Variants in SIPA1L1 observed in about 807,000 individuals in gnomAD.
SIPA1L1 encodes the protein signal-induced proliferation-associated 1-like protein 1.
SIPA1L1 carries 26 observed loss-of-function variants against 162.7 expected under a neutral mutation model. The ratio of observed to expected loss-of-function variants is 0.16; its 90% CI spans 0.12 to 0.22. The LOEUF is 0.22. SIPA1L1 is among the 10% of genes least tolerant of loss of function. SIPA1L1 has a pLI of 1.00. For missense variants in SIPA1L1, 1,874 were observed against 2,241.0 expected (o/e 0.84, Z 3.31); for synonymous variants, 829 against 837.4 (o/e 0.99, Z 0.17).
Position 71,702,479 on chromosome 14 carries a change from G to A in SIPA1L1, c.3620G>A (p.Ser1207Asn), listed in dbSNP as rs779755821. The A allele has an allele frequency of 2.5e-6, 4 of 1,614,214 alleles. No individual in the cohort carries two copies. The highest frequency in any genetic ancestry group is 1.7e-5 in the Admixed American group (1 of 60,026). ...AAATCCACGCCTAGCTGGCAAAGAAGTGAGGATAGCATTGCTGACCAGATG... is the reference window on the plus strand; with the variant it reads ...AAATCCACGCCTAGCTGGCAAAGAAATGAGGATAGCATTGCTGACCAGATG... ...SGKSTPSWQR[S>N]EDSIADQMEP... The change falls in exon 15 of 24, where the codon AGT becomes AAT. Residue 1207 changes from serine to asparagine, a missense_variant. Ser to Asn is a conservative substitution (Grantham distance 46, BLOSUM62 1). Around this residue, in one of 5 missense-constraint regions of SIPA1L1, gnomAD observed 936 missense variants for 1,051.9 expected, o/e 0.89. Transcript: ENST00000381232.
At chr14:71,595,934 A>G (rs926400969) in intron 5 of SIPA1L1, among the ~76,000 whole-genome samples, 1 of 152,132 alleles carries the variant, frequency 6.6e-6, no homozygotes, top group Non-Finnish European at 1.5e-5. Flanking sequence ...CCCAAATTCT[A>G]GGTTTCTTAG....
chr14:71,430,618 A>G (rs149970014), intron 2 of SIPA1L1, among the ~76,000 whole-genome samples: 41 of 152,344 alleles, frequency 2.7e-4, no homozygotes, highest in African/African-American at 8.9e-4. Flanking sequence ...GCCTTCTCCT[A>G]TAACAGATGA....
chr14:71,619,237 G>T (rs1461955159), intron 6 of SIPA1L1, among the ~76,000 whole-genome samples: 2 of 152,136 alleles, frequency 1.3e-5, no homozygotes, highest in Non-Finnish European at 1.5e-5. Flanking sequence ...AACTTGAGGA[G>T]CCAGGATATT....
chr14:71,725,591 G>A (rs953722079), intron 19 of SIPA1L1, among the ~76,000 whole-genome samples: 1 of 152,118 alleles, frequency 6.6e-6, no homozygotes, highest in African/African-American at 2.4e-5. Context: ...TTGTGTACTC[G>A]TCTCAGCTTG....
At chr14:71,336,335 T>G (rs1197619440) in intron 2 of SIPA1L1, among the ~76,000 whole-genome samples, 1 of 152,208 alleles carries the variant, frequency 6.6e-6, no homozygotes, top group African/African-American at 2.4e-5. Context: ...CAAGCCCATT[T>G]GCAGTCACCC....
chr14:71,546,105 A>G (rs751241124), intron 4 of SIPA1L1, among the ~76,000 whole-genome samples: 9 of 152,090 alleles, frequency 5.9e-5, no homozygotes, highest in Non-Finnish European at 8.8e-5. Flanking sequence ...GAGAGAGAGA[A>G]AAAGTCTCAT....
intron 2 of SIPA1L1, among the ~76,000 whole-genome samples, chr14:71,395,952 C>G (rs1430556448): frequency 6.6e-6 from 1 of 152,158 alleles, no homozygotes; most frequent in Non-Finnish European, 1.5e-5. Context: ...AAGGGTAAGT[C>G]TGAAACTTGG....
intron 2 of SIPA1L1, among the ~76,000 whole-genome samples, chr14:71,498,967 A>G (rs1049103817): frequency 6.6e-6 from 1 of 152,184 alleles, no homozygotes; most frequent in Admixed American, 6.5e-5. Flanking sequence ...CATTTTGGGA[A>G]AATTAGGATA....
intron 19 of SIPA1L1, among the ~76,000 whole-genome samples, chr14:71,729,358 T>C (rs1466722948): frequency 6.6e-6 from 1 of 152,212 alleles, no homozygotes; most frequent in Admixed American, 6.5e-5. Context: ...ATTTCATGAA[T>C]AGAAATGCAT....
At position 71,680,640 on chromosome 14, in the gene SIPA1L1, G is replaced by T. The variant is rs142273862; in HGVS notation, c.3105-4722G>T. On this transcript the variant is annotated intron_variant, in intron 12 of 23. Coordinates refer to ENST00000381232, the MANE Select transcript of SIPA1L1 (RefSeq NM_001386936.1). The stretch of plus-strand genomic sequence containing the variant: ...CCCTTCAAAAAATCAATGAATCCAA[G>T]AGCTGGTTTTTTGAAAAGATCAACA... Among the ~76,000 whole-genome samples the T allele has an allele frequency of 3.7e-3, 570 of 152,230 alleles. 6 individuals are homozygous for T. Among genetic ancestry groups the T allele is most frequent in the African/African-American group, 0.013 (549 of 41,528 alleles).
intron 12 of SIPA1L1, among the ~76,000 whole-genome samples, chr14:71,682,133 G>T (rs542208592): frequency 3.3e-5 from 5 of 152,318 alleles, no homozygotes; most frequent in South Asian, 4.1e-4. Context: ...ACTTGGGCAG[G>T]TTAATCTCTC....
intron 11 of SIPA1L1, among the ~76,000 whole-genome samples, chr14:71,672,048 A>C (rs946477747): frequency 2.0e-5 from 3 of 151,964 alleles, no homozygotes; most frequent in African/African-American, 7.3e-5. Context: ...TGCTGCCTTG[A>C]ATTTTACAAA....
chr14:71,406,618 T>C (rs1352471821), intron 2 of SIPA1L1, among the ~76,000 whole-genome samples: 1 of 152,230 alleles, frequency 6.6e-6, no homozygotes, highest in Non-Finnish European at 1.5e-5. Flanking sequence ...TAAGCCATAT[T>C]GATTTTTACC....
At chr14:71,639,944 C>G (rs1224631722) in intron 7 of SIPA1L1, among the ~76,000 whole-genome samples, 3 of 152,016 alleles carry the variant, frequency 2.0e-5, no homozygotes, top group Non-Finnish European at 4.4e-5. Context: ...TGCTCTGTTG[C>G]CCAGGCTGGA....
chr14:71,419,173 C>T (rs1028149109), intron 2 of SIPA1L1, among the ~76,000 whole-genome samples: 7 of 151,568 alleles, frequency 4.6e-5, no homozygotes, highest in East Asian at 1.9e-4. Flanking sequence ...TCTGGATGAG[C>T]GTTCAGTAGG....
chr14:71,394,567 A>G (rs2041029200), intron 2 of SIPA1L1, among the ~76,000 whole-genome samples: 1 of 152,214 alleles, frequency 6.6e-6, no homozygotes, highest in Admixed American at 6.5e-5. Flanking sequence ...CTCTCCTGCT[A>G]TAGACATCCG....
chr14:71,363,654 A>G (rs779729986), intron 2 of SIPA1L1, among the ~76,000 whole-genome samples: 39 of 152,242 alleles, frequency 2.6e-4, no homozygotes, highest in Non-Finnish European at 5.3e-4. Context: ...GAAGAAGGAC[A>G]TTGGCAACTG....
intron 2 of SIPA1L1, among the ~76,000 whole-genome samples, chr14:71,463,880 T>C (rs1450407450): frequency 1.3e-4 from 20 of 152,348 alleles, no homozygotes; most frequent in Non-Finnish European, 2.5e-4. Flanking sequence ...ATTATTCTGA[T>C]TGCCACTTTG....
chr14:71,401,435 T>G (rs1385853850), intron 2 of SIPA1L1, among the ~76,000 whole-genome samples: 1 of 152,034 alleles, frequency 6.6e-6, no homozygotes, highest in Non-Finnish European at 1.5e-5. Context: ...GCTGTCTGAT[T>G]TAATTGTATG....
Sources: gnomAD v4.1 joint callset for allele counts (sites outside exome capture counted in the v4.1 genomes callset) on GRCh38, gnomAD v4.1.1 for gene constraint, gnomAD v4.1.1 regional missense constraint, MANE v1.5 for transcripts, NCBI Gene and HGNC (gene_info 2026-07-23, HGNC 2026-07-21) for gene names.